Variants in PTGR1 observed in about 807,000 individuals in gnomAD.
PTGR1 encodes the protein 15-oxoprostaglandin 13-reductase.
A neutral mutation model predicts 37.7 loss-of-function variants in PTGR1; 23 were observed. The ratio of observed to expected loss-of-function variants is 0.61; its 90% CI spans 0.44 to 0.86. The LOEUF is 0.86. PTGR1 is among the 40% of genes least tolerant of loss of function. The probability of loss-of-function intolerance (pLI) is 0.00; values close to 1 mark genes in which losing one functional copy is unlikely to be tolerated. For synonymous variants in PTGR1, 134 were observed against 140.0 expected, an observed-to-expected ratio of 0.96 and a Z score of 0.30; for missense variants, 351 against 394.3, an observed-to-expected ratio of 0.89 and a Z score of 0.93.
downstream of PTGR1, among the ~76,000 whole-genome samples, chr9:111,559,647 GCA>G (rs60224675): frequency 2.0e-5 from 3 of 150,602 alleles, no homozygotes; most frequent in South Asian, 2.1e-4. Context: ...CACACATACA[GCA>G]CACACACACA....
chr9:111,582,584 A>G (rs1829315427), intron 6 of PTGR1, among the ~76,000 whole-genome samples: 1 of 152,262 alleles, frequency 6.6e-6, no homozygotes, highest in Non-Finnish European at 1.5e-5. Flanking sequence ...ATGGTTCGAC[A>G]TTGGAAAACT....
intron 3 of PTGR1, 96 bp downstream of exon 3, chr9:111,594,126 C>T: frequency 1.6e-6 from 2 of 1,250,726 alleles, no homozygotes; most frequent in Non-Finnish European, 2.3e-6. Context: ...AGGAAAGTGA[C>T]AATGTTTTAA....
intron 7 of PTGR1, chr9:111,576,580 C>T (rs907333134): frequency 1.5e-6 from 1 of 687,588 alleles, no homozygotes; most frequent in African/African-American, 1.8e-5. Flanking sequence ...AGTTACTTAA[C>T]ACTTCTGAAC....
At chr9:111,558,257 C>G (rs1485708443), downstream of PTGR1, among the ~76,000 whole-genome samples, 3 of 152,178 alleles carry the variant, frequency 2.0e-5, no homozygotes, top group Non-Finnish European at 4.4e-5. Flanking sequence ...AGTATATAAT[C>G]TGTAATTATC....
intron 9 of PTGR1, among the ~76,000 whole-genome samples, chr9:111,555,600 C>T (rs1828099312): frequency 6.6e-6 from 1 of 152,146 alleles, no homozygotes; most frequent in Non-Finnish European, 1.5e-5. Flanking sequence ...GCTGGGAGGC[C>T]TCAGGAACTT....
At chr9:111,585,926 T>C in intron 5 of PTGR1, 72 bp downstream of exon 5, 1 of 1,565,454 alleles carries the variant, frequency 6.4e-7, no homozygotes, top group Non-Finnish European at 8.7e-7. Context: ...GTTGACCAAG[T>C]TCTGAACAAA....
intron 4 of PTGR1, chr9:111,589,269 G>T: frequency 2.2e-6 from 1 of 454,042 alleles, no homozygotes; most frequent in Non-Finnish European, 2.9e-6. Context: ...CATACCTTGT[G>T]TTTGGAGAGA....
At chr9:111,583,666 C>A in intron 5 of PTGR1, 77 bp from the exon 6 acceptor site, 1 of 1,204,418 alleles carries the variant, frequency 8.3e-7, no homozygotes. Context: ...ATCTTGAAAG[C>A]CTTCTCAGTG....
chr9:111,589,249 A>C (rs1829531753), intron 4 of PTGR1: 1 of 301,784 alleles, frequency 3.3e-6, no homozygotes, highest in African/African-American at 2.3e-5. Context: ...AAAATGAATA[A>C]ATGGAGAAGC....
At chr9:111,551,641 A>T (rs890018636) in intron 9 of PTGR1, among the ~76,000 whole-genome samples, 5 of 152,054 alleles carry the variant, frequency 3.3e-5, no homozygotes, top group African/African-American at 1.2e-4. Context: ...AGCCCAGGCA[A>T]TCTGCCTGTC....
downstream of PTGR1, among the ~76,000 whole-genome samples, chr9:111,560,911 C>A (rs758179950): frequency 6.1e-4 from 84 of 138,198 alleles, no homozygotes; most frequent in Non-Finnish European, 1.1e-3. Context: ...CCACTGCACT[C>A]CAGCCTGGGC....
chr9:111,570,294 C>T, intron 8 of PTGR1, 85 bp from the exon 9 acceptor site: 1 of 1,500,528 alleles, frequency 6.7e-7, no homozygotes. Flanking sequence ...TGTCACTGTG[C>T]TTGGTGCTGG....
intron 4 of PTGR1, among the ~76,000 whole-genome samples, chr9:111,587,976 T>C (rs1343736091): frequency 1.3e-5 from 2 of 151,856 alleles, no homozygotes; most frequent in Admixed American, 1.3e-4. Context: ...TGCTAGGAAA[T>C]ATATTTTAAT....
chr9:111,560,970 TATATAGAGAGAGAGAGAGAGAG>T (rs1433048495), downstream of PTGR1, among the ~76,000 whole-genome samples: 1 of 30,480 alleles, frequency 3.3e-5, no homozygotes, highest in East Asian at 1.1e-3. Context: ...TATATATATA[TATATAGAGAGAGAGAGAGAGAG>T]AGAGAGAGAG....
At chr9:111,587,179 C>G (rs1371634293) in intron 4 of PTGR1, among the ~76,000 whole-genome samples, 1 of 152,080 alleles carries the variant, frequency 6.6e-6, no homozygotes, top group Admixed American at 6.5e-5. Context: ...TCCCAGGGTA[C>G]TGATCTCTGC....
chr9:111,598,682 A>C (rs1385250412), intron 1 of PTGR1, among the ~76,000 whole-genome samples: 9 of 151,892 alleles, frequency 5.9e-5, no homozygotes. Context: ...TTTAGTAGAG[A>C]CGGGGTTTCC....
At chr9:111,594,396 G>GAGCATGGTA in intron 2 of PTGR1, 129 bp from the exon 3 acceptor site, 1 of 762,154 alleles carries the variant, frequency 1.3e-6, no homozygotes, top group Non-Finnish European at 2.3e-6. Flanking sequence ...GAGGTACCAT[G>GAGCATGGTA]CTCACTGCCT....
intron 5 of PTGR1, 56 bp from the exon 6 acceptor site, chr9:111,583,645 C>T: frequency 7.3e-7 from 1 of 1,376,626 alleles, no homozygotes; most frequent in East Asian, 2.3e-5. Flanking sequence ...CTCTATAACT[C>T]ATTTATATAT....
intron 8 of PTGR1, among the ~76,000 whole-genome samples, chr9:111,572,946 AG>A (rs1298000463): frequency 2.0e-5 from 3 of 152,074 alleles, no homozygotes; most frequent in Non-Finnish European, 4.4e-5. Flanking sequence ...AGAGCAAAAA[AG>A]CATATGTAGC....
Sources: gnomAD v4.1 joint callset for allele counts (sites outside exome capture counted in the v4.1 genomes callset) on GRCh38, gnomAD v4.1.1 for gene constraint, MANE v1.5 for transcripts, NCBI Gene and HGNC (gene_info 2026-07-23, HGNC 2026-07-21) for gene names.